The following NDEL1 variants were observed in gnomAD, a reference collection of about 807,000 sequenced individuals.
NDEL1 encodes the protein nuclear distribution protein nudE-like 1.
Under a neutral mutation model 45.7 loss-of-function variants are expected in NDEL1, and 9 were observed. That is an observed-to-expected ratio of 0.20 (90% CI 0.12 to 0.34). The LOEUF is 0.34. NDEL1 is among the 10% of genes least tolerant of loss of function. The pLI, the probability that NDEL1 is intolerant of heterozygous loss-of-function variation, is 1.00. For synonymous variants in NDEL1, 133 were observed against 158.6 expected (o/e 0.84, Z 1.21); for missense variants, 306 against 406.2 (o/e 0.75, Z 2.12).
chr17:8,425,065 C>T (rs900714487), intron 1 of NDEL1, among the ~76,000 whole-genome samples: 5 of 152,200 alleles, frequency 3.3e-5, no homozygotes, highest in African/African-American at 9.7e-5. Context: ...GCTCGTTTCT[C>T]AGTGCTCTTG....
At chr17:8,438,232 C>T (rs930724772) in intron 1 of NDEL1, among the ~76,000 whole-genome samples, 1 of 152,204 alleles carries the variant, frequency 6.6e-6, no homozygotes, top group Non-Finnish European at 1.5e-5. Flanking sequence ...GCTGGGATTA[C>T]AGGCGTGAGC....
At position 8,444,335 on chromosome 17, in the gene NDEL1, C is replaced by A; in HGVS notation, c.64C>A (p.Leu22Ile). 1 of 1,612,622 alleles carries A rather than the reference C, an allele frequency of 6.2e-7. No individual in the cohort carries two copies. Among genetic ancestry groups the A allele is most frequent in the Non-Finnish European group, 8.5e-7 (1 of 1,178,980 alleles). The change falls in exon 2 of 9, where the codon CTT becomes ATT. Residue 22 changes from leucine (L) to isoleucine (I), a missense_variant. By Grantham distance (5) the Leu-to-Ile change is conservative. Coordinates refer to ENST00000334527, the MANE Select transcript of NDEL1 (RefSeq NM_030808.5). ...GGAGGAAACTGCTTATTGGAAGGAACTTTCCTTGAAGTATAAGCAAAGGTA... is the reference window on the plus strand; with the variant it reads ...GGAGGAAACTGCTTATTGGAAGGAAATTTCCTTGAAGTATAAGCAAAGGTA... ...LKEETAYWKE[L>I]SLKYKQSFQE...
chr17:8,420,957 T>G (rs537146106), intron 1 of NDEL1, among the ~76,000 whole-genome samples: 1 of 152,334 alleles, frequency 6.6e-6, no homozygotes, highest in East Asian at 1.9e-4. Flanking sequence ...GACTATATTT[T>G]TATTCCCTAA....
At position 8,427,072 on chromosome 17, in the gene NDEL1, G is replaced by A. The variant is rs944125140; in HGVS notation, c.-13+13803G>A. Among the ~76,000 whole-genome samples the A allele has an allele frequency of 5.9e-5, 9 of 152,354 alleles. No homozygotes were observed. The South Asian group carries it at 1.4e-3, about 25-fold the overall frequency. On this transcript the variant is annotated intron_variant, in intron 1 of 4. Coordinates refer to the NDEL1 transcript ENST00000582812. ...ACAGTGGAAAGGGAAGGAAAGGGAA[G>A]GGGGCTTGGAACCTAAGACACTGCA...
At chr17:8,464,134 C>G (rs1034980788) in intron 8 of NDEL1, 9 of 152,312 alleles carry the variant, frequency 5.9e-5, no homozygotes, top group Non-Finnish European at 1.2e-4. Context: ...CTTTTCACTT[C>G]TTCCACTGAC....
At chr17:8,466,149 T>C (rs1316996092) in intron 8 of NDEL1, 1 of 152,134 alleles carries the variant, frequency 6.6e-6, no homozygotes, top group East Asian at 1.9e-4. Context: ...ATACATTATA[T>C]TTGGAAAATG....
At chr17:8,473,882 T>A (rs1912046494) in intron 3 of NDEL1, among the ~76,000 whole-genome samples, 2 of 152,230 alleles carry the variant, frequency 1.3e-5, no homozygotes, top group African/African-American at 4.8e-5. Flanking sequence ...GCCTGAAATG[T>A]CCTGGACCCC....
intron 4 of NDEL1, among the ~76,000 whole-genome samples, chr17:8,447,628 G>T (rs1910168325): frequency 6.6e-6 from 1 of 152,040 alleles, no homozygotes; most frequent in African/African-American, 2.4e-5. Context: ...ACTGACTGAT[G>T]AATTTTCTTA....
chr17:8,416,158 ACT>A (rs1908542287), intron 1 of NDEL1, among the ~76,000 whole-genome samples: 1 of 151,794 alleles, frequency 6.6e-6, no homozygotes, highest in South Asian at 2.1e-4. Context: ...CCAAACTGAA[ACT>A]CTGTACCCAT....
intron 1 of NDEL1, among the ~76,000 whole-genome samples, chr17:8,428,552 A>G (rs1333133059): frequency 4.0e-5 from 6 of 150,970 alleles, no homozygotes; most frequent in Non-Finnish European, 8.9e-5. Flanking sequence ...TTTAGTAGAC[A>G]TGGGGTTTCA....
chr17:8,445,573 C>A, intron 2 of NDEL1, 138 bp from the exon 3 acceptor site: 2 of 862,824 alleles, frequency 2.3e-6, no homozygotes, highest in Non-Finnish European at 3.3e-6. Flanking sequence ...GTAAGAGATG[C>A]AAAACAGATT....
intron 7 of NDEL1, among the ~76,000 whole-genome samples, chr17:8,455,346 C>G (rs1910763540): frequency 6.6e-6 from 1 of 152,136 alleles, no homozygotes; most frequent in Non-Finnish European, 1.5e-5. Context: ...AACTTCAGTG[C>G]CTTCTCCTTG....
chr17:8,463,152 T>G (rs1271521674), intron 8 of NDEL1: 4 of 536,974 alleles, frequency 7.4e-6, no homozygotes, highest in Non-Finnish European at 1.3e-5. Context: ...AAAACACTCT[T>G]TTTTTTCCCA....
chr17:8,444,969 A>T (rs774415120), intron 2 of NDEL1: 1 of 152,336 alleles, frequency 6.6e-6, no homozygotes, highest in South Asian at 2.1e-4. Context: ...ACTAAGTCTT[A>T]TCAAACCTTT....
chr17:8,458,170 G>A (rs1200554609), intron 7 of NDEL1, among the ~76,000 whole-genome samples: 2 of 143,452 alleles, frequency 1.4e-5, no homozygotes, highest in Non-Finnish European at 1.5e-5. Context: ...AACACTGACC[G>A]TTTTTTTTTT....
upstream of NDEL1, chr17:8,435,761 C>G (rs1183278356): frequency 2.9e-6 from 1 of 345,210 alleles, no homozygotes. Context: ...GTCAGCGCGC[C>G]GGGCTCTGGC....
downstream of NDEL1, among the ~76,000 whole-genome samples, chr17:8,473,139 T>C (rs2151749032): frequency 6.6e-6 from 1 of 152,246 alleles, no homozygotes; most frequent in South Asian, 2.1e-4. Context: ...CGCTGAGTAG[T>C]TGGGAAACTG....
At chr17:8,447,739 C>T (rs1213985291) in intron 4 of NDEL1, among the ~76,000 whole-genome samples, 1 of 152,156 alleles carries the variant, frequency 6.6e-6, no homozygotes, top group Non-Finnish European at 1.5e-5. Context: ...CTTAACCATT[C>T]CAAACTTAAT....
rs147266094 is a variant in NDEL1 at position 8,443,743 on chromosome 17, G to A, written c.-12-517G>A. Among the ~76,000 whole-genome samples the A allele has an allele frequency of 4.6e-5, 7 of 152,258 alleles. No homozygotes were observed. The East Asian group carries it at 5.8e-4, about 13-fold the overall frequency. On this transcript the variant is annotated intron_variant, in intron 1 of 8. Coordinates refer to ENST00000334527, the MANE Select transcript of NDEL1 (RefSeq NM_030808.5). ...TTTGGACTTAAAAGATGATTAACAGGAGGTTTTTAGAGATTTGATAATAGT... is the reference window on the plus strand; with the variant it reads ...TTTGGACTTAAAAGATGATTAACAGAAGGTTTTTAGAGATTTGATAATAGT...
Sources: gnomAD v4.1 joint callset for allele counts (sites outside exome capture counted in the v4.1 genomes callset) on GRCh38, gnomAD v4.1.1 for gene constraint, MANE v1.5 for transcripts, NCBI Gene and HGNC (gene_info 2026-07-23, HGNC 2026-07-21) for gene names.